HTR1F: variants seen among roughly 807,000 people sequenced by gnomAD.
HTR1F encodes the protein 5-hydroxytryptamine (serotonin) receptor 1F, G protein-coupled.
In HTR1F, 17 loss-of-function variants were observed where a neutral mutation model predicts 24.0. The ratio of observed to expected loss-of-function variants is 0.71; its 90% CI spans 0.48 to 1.06. HTR1F has a LOEUF of 1.06. Ranked by LOEUF, HTR1F falls within the 50% of genes least tolerant of loss-of-function variation. The probability of loss-of-function intolerance (pLI) is 0.00; values close to 1 mark genes in which losing one functional copy is unlikely to be tolerated. For synonymous variants in HTR1F, 186 were observed against 156.8 expected, an observed-to-expected ratio of 1.19 and a Z score of -1.39; for missense variants, 391 against 427.8, an observed-to-expected ratio of 0.91 and a Z score of 0.76.
At chr3:87,971,559 AAAAAT>A in intron 2 of HTR1F, among the ~76,000 whole-genome samples, 1 of 152,274 alleles carries the variant, frequency 6.6e-6, no homozygotes, top group African/African-American at 2.4e-5. Flanking sequence ...ACCCTATCTC[AAAAAT>A]AAAATAAAAT....
chr3:87,897,336 C>G (rs1297934310), intron 2 of HTR1F, among the ~76,000 whole-genome samples: 4 of 150,654 alleles, frequency 2.7e-5, no homozygotes, highest in Non-Finnish European at 4.4e-5. Context: ...TGAAATAAGC[C>G]AGACACACAA....
At chr3:87,849,821 A>C (rs1173981561) in intron 2 of HTR1F, among the ~76,000 whole-genome samples, 1 of 152,020 alleles carries the variant, frequency 6.6e-6, no homozygotes, top group African/African-American at 2.4e-5. Flanking sequence ...GCTTCTCAAA[A>C]GAGGACATTT....
chr3:87,871,599 C>G (rs984740909), intron 2 of HTR1F, among the ~76,000 whole-genome samples: 1 of 151,856 alleles, frequency 6.6e-6, no homozygotes. Context: ...AGGCCCACAG[C>G]TAGACACATT....
intron 2 of HTR1F, among the ~76,000 whole-genome samples, chr3:87,978,844 A>G (rs1705456852): frequency 7.9e-6 from 1 of 126,114 alleles, no homozygotes; most frequent in Admixed American, 8.7e-5. Flanking sequence ...ATGGGCAATC[A>G]GGGACTGGAG....
chr3:87,815,280 G>A (rs1346799596), intron 1 of HTR1F, among the ~76,000 whole-genome samples: 3 of 151,558 alleles, frequency 2.0e-5, no homozygotes, highest in African/African-American at 4.9e-5. Context: ...GAACATTGTG[G>A]GTGAATCAAA....
intron 2 of HTR1F, among the ~76,000 whole-genome samples, chr3:87,947,042 T>C (rs1489553576): frequency 6.6e-6 from 1 of 152,234 alleles, no homozygotes. Context: ...GTGAATATTT[T>C]GAATCTAAGA....
intron 2 of HTR1F, among the ~76,000 whole-genome samples, chr3:87,929,393 C>T (rs541208732): frequency 3.3e-5 from 5 of 152,242 alleles, no homozygotes; most frequent in African/African-American, 1.2e-4. Flanking sequence ...ATGGTTTTAC[C>T]TATTTTCAGA....
intron 2 of HTR1F, among the ~76,000 whole-genome samples, chr3:87,868,301 C>A (rs1445467511): frequency 2.0e-5 from 3 of 151,838 alleles, no homozygotes; most frequent in Non-Finnish European, 4.4e-5. Flanking sequence ...TCATGAAAAC[C>A]TATAAAGAAC....
At chr3:87,946,152 C>T (rs749073527) in intron 2 of HTR1F, among the ~76,000 whole-genome samples, 30 of 152,170 alleles carry the variant, frequency 2.0e-4, no homozygotes, top group Non-Finnish European at 2.4e-4. Flanking sequence ...CAATCGGGAG[C>T]GGCAATGGGC....
intron 1 of HTR1F, among the ~76,000 whole-genome samples, chr3:87,810,071 T>A (rs137912789): frequency 1.3e-5 from 2 of 152,276 alleles, no homozygotes; most frequent in African/African-American, 4.8e-5. Context: ...TTTTTTCTTT[T>A]GTCATTCCTT....
At chr3:87,968,741 T>A (rs1705220718) in intron 2 of HTR1F, among the ~76,000 whole-genome samples, 1 of 152,232 alleles carries the variant, frequency 6.6e-6, no homozygotes, top group Non-Finnish European at 1.5e-5. Flanking sequence ...ATAACTAATG[T>A]AGAGCCAAAT....
At chr3:87,964,241 C>T (rs1705119051) in intron 2 of HTR1F, among the ~76,000 whole-genome samples, 1 of 152,066 alleles carries the variant, frequency 6.6e-6, no homozygotes, top group Non-Finnish European at 1.5e-5. Flanking sequence ...ATATTCCTCA[C>T]CCTTAATCTG....
intron 1 of HTR1F, among the ~76,000 whole-genome samples, chr3:87,820,846 A>G (rs1269527943): frequency 6.6e-6 from 1 of 152,168 alleles, no homozygotes; most frequent in Non-Finnish European, 1.5e-5. Flanking sequence ...TATGTTTTGT[A>G]AAGTTCTGCA....
At chr3:87,847,906 A>G (rs192714428) in intron 2 of HTR1F, among the ~76,000 whole-genome samples, 5 of 151,998 alleles carry the variant, frequency 3.3e-5, no homozygotes, top group East Asian at 1.9e-4. Context: ...TTCATTGTGC[A>G]TATATACCAC....
intron 2 of HTR1F, among the ~76,000 whole-genome samples, chr3:87,860,892 T>C (rs1705304178): frequency 6.6e-6 from 1 of 152,190 alleles, no homozygotes; most frequent in Non-Finnish European, 1.5e-5. Flanking sequence ...GTGCAGTGGC[T>C]CATGCCTGTA....
At chr3:87,794,778 T>C (rs1004667595) in intron 1 of HTR1F, among the ~76,000 whole-genome samples, 3 of 152,152 alleles carry the variant, frequency 2.0e-5, no homozygotes, top group Admixed American at 6.5e-5. Context: ...ATGGGTGGGA[T>C]TGAGCAACAG....
chr3:87,933,940 A>G (rs1559638533), intron 2 of HTR1F, among the ~76,000 whole-genome samples: 1 of 152,220 alleles, frequency 6.6e-6, no homozygotes, highest in Non-Finnish European at 1.5e-5. Flanking sequence ...ATCAGCCTAT[A>G]CATGTATTCC....
At chr3:87,803,609 A>G (rs114818473) in intron 1 of HTR1F, among the ~76,000 whole-genome samples, 3,616 of 152,300 alleles carry the variant, frequency 0.024, 65 homozygotes, top group Non-Finnish European at 0.031. Context: ...CTAATTTGAC[A>G]TAAGATACAA....
intron 2 of HTR1F, among the ~76,000 whole-genome samples, chr3:87,829,154 T>C (rs1450985880): frequency 6.6e-6 from 1 of 152,114 alleles, no homozygotes; most frequent in Non-Finnish European, 1.5e-5. Flanking sequence ...TTTTACCTCC[T>C]GGTTGAGTGA....
Sources: gnomAD v4.1 joint callset for allele counts (sites outside exome capture counted in the v4.1 genomes callset) on GRCh38, gnomAD v4.1.1 for gene constraint, MANE v1.5 for transcripts, NCBI Gene and HGNC (gene_info 2026-07-23, HGNC 2026-07-21) for gene names.